The following WFDC1 variants were observed in gnomAD, a reference collection of about 807,000 sequenced individuals.
WFDC1 encodes WAP four-disulfide core domain protein 1.
A neutral mutation model predicts 32.9 loss-of-function variants in WFDC1; 39 were observed. The observed-to-expected ratio is 1.19, with a 90% CI of 0.92 to 1.55. The LOEUF (loss-of-function observed/expected upper bound fraction) is 1.55. Among genes scored for constraint, WFDC1 ranks in the 40% most tolerant of loss-of-function variants. WFDC1 has a pLI of 0.00. For missense variants in WFDC1, 386 were observed against 309.5 expected, an observed-to-expected ratio of 1.25 and a Z score of -1.85; for synonymous variants, 184 against 137.4, an observed-to-expected ratio of 1.34 and a Z score of -2.37.
intron 6 of WFDC1, 165 bp from the exon 7 acceptor site, chr16:84,329,157 T>C (rs562323212): frequency 6.6e-6 from 1 of 152,184 alleles, no homozygotes; most frequent in East Asian, 1.9e-4. Flanking sequence ...TTGGGTCTTC[T>C]CAGAAAGGGG....
chr16:84,296,638 A>G (rs1270943356), intron 1 of WFDC1, among the ~76,000 whole-genome samples: 2 of 152,218 alleles, frequency 1.3e-5, no homozygotes, highest in African/African-American at 4.8e-5. Flanking sequence ...TGTTCGGCAC[A>G]TGCTCGTGGC....
chr16:84,295,191 C>G (rs544361098), intron 1 of WFDC1, 76 bp downstream of exon 1: 10 of 1,556,072 alleles, frequency 6.4e-6, no homozygotes, highest in Non-Finnish European at 8.7e-6. Context: ...GATCCCTAGA[C>G]ACTGCCTTCT....
intron 4 of WFDC1, among the ~76,000 whole-genome samples, chr16:84,322,830 C>G (rs1335163879): frequency 6.6e-6 from 1 of 152,176 alleles, no homozygotes; most frequent in Non-Finnish European, 1.5e-5. Flanking sequence ...GGTTTGAGGT[C>G]ACACAGAAGC....
rs796524320 is a variant in WFDC1 at position 84,314,863 on chromosome 16, C to T, written c.337+1710C>T. On this transcript the variant is annotated intron_variant, in intron 2 of 6. Coordinates refer to ENST00000219454, the MANE Select transcript of WFDC1 (RefSeq NM_021197.4). ...TAGGGATTCTAGCCTTGCCTCCTGC[C>T]TATAGCAGGTGCTTTTGAGCAGTGC... is the stretch of plus-strand genomic sequence containing the variant. Among the ~76,000 whole-genome samples, 15 of 152,354 alleles carry T rather than the reference C, an allele frequency of 9.8e-5. 1 individual carries two copies. Among genetic ancestry groups the T allele is most frequent in the African/African-American group, 3.6e-4 (15 of 41,578 alleles).
intron 5 of WFDC1, chr16:84,325,990 G>A (rs1251497900): frequency 6.8e-6 from 1 of 146,056 alleles, no homozygotes; most frequent in Non-Finnish European, 1.5e-5. Context: ...ATTCACCTAT[G>A]TATCCATTCA....
At chr16:84,309,511 T>G (rs924013551) in intron 1 of WFDC1, among the ~76,000 whole-genome samples, 27 of 152,074 alleles carry the variant, frequency 1.8e-4, no homozygotes, top group African/African-American at 6.3e-4. Flanking sequence ...TGGGGTGGGG[T>G]TCATTTATAG....
rs1025928020 is a variant in WFDC1, at chr16:84,326,964, G to C, written c.*15+9G>C. ...AAAGCAACGGCAAGCAGGTGAGTGG[G>C]CAGAGAGCAAGAGTCATGGCCAGGG... On this transcript the variant is annotated intron_variant, in intron 6 of 6. Coordinates refer to ENST00000219454, the MANE Select transcript of WFDC1 (RefSeq NM_021197.4). 1.2e-6 allele frequency: 2 copies of C among 1,613,806 alleles called. No homozygotes were observed. Among genetic ancestry groups the C allele is most frequent in the African/African-American group, 2.7e-5 (2 of 74,888 alleles).
At chr16:84,327,859 C>A (rs1174946735) in intron 6 of WFDC1, 1 of 152,262 alleles carries the variant, frequency 6.6e-6, no homozygotes, top group African/African-American at 2.4e-5. Context: ...GTAGTTCATG[C>A]CAGGGTGGTA....
At chr16:84,315,506 G>C (rs929469166) in intron 2 of WFDC1, among the ~76,000 whole-genome samples, 1 of 152,196 alleles carries the variant, frequency 6.6e-6, no homozygotes, top group African/African-American at 2.4e-5. Flanking sequence ...CTAGCCAGCA[G>C]GAAGAGCAAT....
At chr16:84,303,619 G>A (rs1031692256) in intron 1 of WFDC1, among the ~76,000 whole-genome samples, 1 of 152,144 alleles carries the variant, frequency 6.6e-6, no homozygotes, top group Admixed American at 6.5e-5. Context: ...CACAGCACAC[G>A]TGTTTTCTCT....
intron 1 of WFDC1, among the ~76,000 whole-genome samples, chr16:84,311,012 T>G (rs1907583721): frequency 6.6e-6 from 1 of 152,186 alleles, no homozygotes. Flanking sequence ...GGTGGTTTTT[T>G]TCCAATTAAT....
rs191461582 is a variant in WFDC1, at chr16:84,294,983, C to T, written c.12C>T (p.Thr4=). 2.0e-5 allele frequency: 33 copies of T among 1,612,988 alleles called. No individual in the cohort carries two copies. Among genetic ancestry groups the T allele is most frequent in the East Asian group, 1.1e-4 (5 of 44,866 alleles). The change falls in exon 1 of 7, where the codon ACC becomes ACT. Residue 4 remains threonine, a synonymous_variant. Coordinates refer to ENST00000219454, the MANE Select transcript of WFDC1 (RefSeq NM_021197.4). MPL[T]GVGPGSCRRQ... ...TGCCCAGGGAGGAAATGCCTTTAAC[C>T]GGCGTGGGGCCGGGCAGCTGCAGGA...
chr16:84,310,044 G>T (rs1485614386), intron 1 of WFDC1, among the ~76,000 whole-genome samples: 1 of 152,126 alleles, frequency 6.6e-6, no homozygotes, highest in Non-Finnish European at 1.5e-5. Flanking sequence ...GTAGGGCCTG[G>T]TGTCTTTGGG....
chr16:84,323,919 G>A (rs539225622), intron 4 of WFDC1, among the ~76,000 whole-genome samples: 79 of 152,330 alleles, frequency 5.2e-4, no homozygotes, highest in African/African-American at 1.9e-3. Context: ...TCAGGAGTTC[G>A]AGGCCAGCCT....
At chr16:84,298,771 C>G (rs564826496) in intron 1 of WFDC1, among the ~76,000 whole-genome samples, 31 of 152,304 alleles carry the variant, frequency 2.0e-4, no homozygotes, top group African/African-American at 7.0e-4. Flanking sequence ...GTTTATGCTT[C>G]TTGGTCTAAG....
chr16:84,324,307 C>A, intron 4 of WFDC1, 112 bp from the exon 5 acceptor site: 2 of 924,732 alleles, frequency 2.2e-6, no homozygotes. Context: ...CCATTGTACA[C>A]TAGTGAGATG....
chr16:84,318,450 C>A, intron 3 of WFDC1, 95 bp downstream of exon 3: 2 of 1,204,032 alleles, frequency 1.7e-6, no homozygotes, highest in Non-Finnish European at 2.4e-6. Context: ...CCGGCTGTCC[C>A]CCATGCACGG....
At chr16:84,326,819 C>T (rs918817719) in intron 5 of WFDC1, 63 bp from the exon 6 acceptor site, 1 of 1,595,460 alleles carries the variant, frequency 6.3e-7, no homozygotes. Flanking sequence ...CCTGGTGAGC[C>T]ACGGGGGGCA....
chr16:84,324,442 C>G lies in WFDC1; in HGVS notation c.586C>G (p.Leu196Val), dbSNP rs35504166. Residue 196 changes from leucine (L) to valine (V), a missense_variant, in exon 5 of 7, where the codon CTT (leucine) becomes GTT (valine). By Grantham distance (32) the Leu-to-Val change is conservative. Transcript: ENST00000219454. Reference sequence around the variant, plus strand: ...AGATGGGCGAATCCTACGACACAAACTTTACAAAGAATATCCAGGTAAAAG... The same window carrying G: ...AGATGGGCGAATCCTACGACACAAAGTTTACAAAGAATATCCAGGTAAAAG... Reference protein sequence around the residue: ...QADGRILRHKLYKEYPEGDSK... With the variant: ...QADGRILRHKVYKEYPEGDSK... 1.5e-3 allele frequency: 2,410 copies of G among 1,613,688 alleles called. 40 individuals carry two copies. The African/African-American group carries it at 0.029, about 19-fold the overall frequency.
Sources: allele counts gnomAD v4.1 joint callset (sites outside exome capture counted in the v4.1 genomes callset), GRCh38; gene constraint gnomAD v4.1.1; transcripts MANE v1.5; gene names NCBI Gene and HGNC (gene_info 2026-07-23, HGNC 2026-07-21).